The following PABIR3 variants were observed in gnomAD, a reference collection of about 807,000 sequenced individuals.
The protein encoded by PABIR3 is PABIR family member 3.
Under a neutral mutation model 23.1 loss-of-function variants are expected in PABIR3, and 20 were observed. That is an observed-to-expected ratio of 0.86 (90% CI 0.61 to 1.26). The LOEUF is 1.26. PABIR3 is among the 50% of genes most tolerant of loss of function. PABIR3 has a pLI of 0.00. For missense variants in PABIR3, 189 were observed against 195.4 expected, an observed-to-expected ratio of 0.97 and a Z score of 0.20; for synonymous variants, 69 against 68.5, an observed-to-expected ratio of 1.01 and a Z score of -0.04.
At chrX:134,829,328 ATTT>A (rs1402751057) in intron 4 of PABIR3, 46 bp downstream of exon 4, 1 of 1,063,115 alleles carries the variant, frequency 9.4e-7, no homozygotes, top group African/African-American at 1.9e-5. Context: ...AAAAAAGTAA[ATTT>A]TATTTTTCTT....
chrX:134,827,696 G>A (rs1160180964), intron 3 of PABIR3, among the ~76,000 whole-genome samples: 1 of 110,791 alleles, frequency 9.0e-6, no homozygotes, highest in South Asian at 3.8e-4. Context: ...TTGTACCCTC[G>A]CAGGTACTAA....
chrX:134,817,170 AAAAC>A (rs748627272), intron 3 of PABIR3, among the ~76,000 whole-genome samples: 190 of 111,698 alleles, frequency 1.7e-3, no homozygotes, highest in African/African-American at 5.5e-3. Context: ...ACTTTCTCTC[AAAAC>A]AAACAAACAA....
At chrX:134,819,292 C>T (rs1905192517) in intron 3 of PABIR3, among the ~76,000 whole-genome samples, 1 of 111,257 alleles carries the variant, frequency 9.0e-6, no homozygotes, top group African/African-American at 3.3e-5. Context: ...TCCTAATTTG[C>T]ATAACGTTCA....
Position 134,845,631 on chromosome X carries a change from C to G in PABIR3, c.345+230C>G, listed in dbSNP as rs750206691. 4.9e-4 allele frequency among the ~76,000 whole-genome samples: 55 copies of G among 111,582 alleles called. 1 individual carries two copies. The highest frequency in any genetic ancestry group is 1.7e-3 in the Admixed American group (18 of 10,452). On this transcript the variant is annotated intron_variant, in intron 6 of 10. Transcript: ENST00000645433. ...TGAACTCCTGAGCTCAATGGATCGT[C>G]CTGCCTCAACCTCCCAAAATGCTAG...
upstream of PABIR3, chrX:134,796,390 A>AGGAGGATGATGATGAGGAAG (rs1319248452): frequency 7.5e-6 from 3 of 401,048 alleles, no homozygotes; most frequent in African/African-American, 5.4e-5. Context: ...GGAGGAGGGA[A>AGGAGGATGATGATGAGGAAG]GGAGGATGAT....
Position 134,811,553 on chromosome X carries a change from A to G in PABIR3, c.111-3218A>G, listed in dbSNP as rs149863887. On this transcript the variant is annotated intron_variant, in intron 2 of 10. Coordinates refer to ENST00000645433, the MANE Select transcript of PABIR3 (RefSeq NM_001388447.1). Reference sequence around the variant, plus strand: ...CAGGCATGCACCACCACGCCAGGCTAATTTTTGTATTTTTAGTAGAGACGG... The same window carrying G: ...CAGGCATGCACCACCACGCCAGGCTGATTTTTGTATTTTTAGTAGAGACGG... Among the ~76,000 whole-genome samples the G allele has an allele frequency of 5.4e-5, 6 of 110,167 alleles. No homozygotes were observed. In the East Asian group the frequency reaches 1.4e-3, roughly 26 times the overall value.
rs141747070 is a variant in PABIR3, at chrX:134,797,479, A to G, written c.-98+615A>G. ...CCATGTTATTTCACTCCTAATTTGT[A>G]CGCTCCGACCTCTGTGATCCCCACT... On this transcript the variant is annotated intron_variant, in intron 1 of 4. Transcript: ENST00000414371. 6.4e-3 allele frequency among the ~76,000 whole-genome samples: 724 copies of G among 112,446 alleles called. 2 individuals carry two copies. Among genetic ancestry groups the G allele is most frequent in the African/African-American group, 0.022 (694 of 31,020 alleles).
downstream of PABIR3, among the ~76,000 whole-genome samples, chrX:134,856,185 G>GTT (rs1382121084): frequency 1.2e-5 from 1 of 85,665 alleles, no homozygotes; most frequent in Non-Finnish European, 2.3e-5. Flanking sequence ...CCTCTATTCA[G>GTT]TTATTTTTTT....
At position 134,854,313 on chromosome X, in the gene PABIR3, AT is replaced by A; in HGVS notation, c.*98del. ...AGCAAACCAAGTCAGAGCAATGAGA[AT>A]TGTACTGTATAATTTAAACTATCTC... On this transcript the variant is annotated 3_prime_UTR_variant, in exon 11 of 11. Coordinates refer to ENST00000645433, the MANE Select transcript of PABIR3 (RefSeq NM_001388447.1). 1 of 919,911 alleles carries A rather than the reference AT, an allele frequency of 1.1e-6. No homozygotes were observed. The highest frequency in any genetic ancestry group is 1.4e-6 in the Non-Finnish European group (1 of 698,003). 75.8% of individuals were successfully genotyped at this position (919,911 alleles called of 1,213,427 possible).
At chrX:134,841,561 G>A (rs1284996844) in intron 4 of PABIR3, among the ~76,000 whole-genome samples, 6 of 111,825 alleles carry the variant, frequency 5.4e-5, no homozygotes, top group Non-Finnish European at 1.1e-4. Context: ...TGGGTGCAGT[G>A]GCTCACGCCT....
chrX:134,863,630 A>G, the PABIR3 span, among the ~76,000 whole-genome samples: 1 of 111,582 alleles, frequency 9.0e-6, no homozygotes, highest in East Asian at 2.8e-4. Context: ...TGGCCTCTCA[A>G]CTGAGAGGCA....
At chrX:134,815,689 C>CT (rs955863770) in intron 3 of PABIR3, among the ~76,000 whole-genome samples, 1 of 94,442 alleles carries the variant, frequency 1.1e-5, no homozygotes, top group African/African-American at 3.9e-5. Flanking sequence ...TTTTTTTTTT[C>CT]TTTTTTTTGA....
intron 4 of PABIR3, among the ~76,000 whole-genome samples, chrX:134,837,363 T>A (rs957852708): frequency 8.1e-5 from 9 of 110,711 alleles, no homozygotes; most frequent in African/African-American, 2.3e-4. Context: ...AAAAAAAAAA[T>A]TTAAATTTGA....
chrX:134,864,330 C>T, the PABIR3 span, among the ~76,000 whole-genome samples: 7 of 111,506 alleles, frequency 6.3e-5, no homozygotes, highest in Admixed American at 1.9e-4. Context: ...CGGCCTTATG[C>T]AGCTTTTAAA....
At chrX:134,835,476 A>T (rs997067788) in intron 4 of PABIR3, 1 of 111,513 alleles carries the variant, frequency 9.0e-6, no homozygotes, top group Non-Finnish European at 1.9e-5. Flanking sequence ...TATTTGGTTT[A>T]TGTTACACCT....
chrX:134,803,192 T>C (rs1304139436), upstream of PABIR3, among the ~76,000 whole-genome samples: 2 of 112,079 alleles, frequency 1.8e-5, no homozygotes, highest in Non-Finnish European at 3.8e-5. Context: ...AGGAGCTGTC[T>C]GCAAAGAGGC....
At chrX:134,816,477 C>T (rs978199297) in intron 3 of PABIR3, among the ~76,000 whole-genome samples, 35 of 111,577 alleles carry the variant, frequency 3.1e-4, no homozygotes, top group African/African-American at 1.0e-3. Context: ...CCCGCCACCA[C>T]GCCCAGCTAA....
chrX:134,804,422 C>T (rs190297988), upstream of PABIR3, among the ~76,000 whole-genome samples: 625 of 111,786 alleles, frequency 5.6e-3, 4 homozygotes, highest in Non-Finnish European at 7.9e-3. Flanking sequence ...GTTTGGGGTT[C>T]CTGACATGTA....
At chrX:134,828,047 C>CTCTCTCTCTCTATATATATA (rs1466733144) in intron 3 of PABIR3, among the ~76,000 whole-genome samples, 7 of 49,407 alleles carry the variant, frequency 1.4e-4, no homozygotes, top group African/African-American at 5.8e-4. Context: ...CTCTCTCTCT[C>CTCTCTCTCTCTATATATATA]TATATATATA....
Sources: gnomAD v4.1 joint callset for allele counts (sites outside exome capture counted in the v4.1 genomes callset) on GRCh38, gnomAD v4.1.1 for gene constraint, MANE v1.5 for transcripts, NCBI Gene and HGNC (gene_info 2026-07-23, HGNC 2026-07-21) for gene names.